Variants in METTL25 observed in about 807,000 individuals in gnomAD.
METTL25 encodes methyltransferase like 25, also known as probable methyltransferase-like protein 25.
METTL25 carries 64 observed loss-of-function variants against 71.6 expected under a neutral mutation model. The observed-to-expected ratio is 0.89, with a 90% CI of 0.73 to 1.10. The LOEUF is 1.10. Ranked by LOEUF, METTL25 falls within the 50% of genes least tolerant of loss-of-function variation. METTL25 has a pLI of 0.00. For missense variants in METTL25, 807 were observed against 707.0 expected (o/e 1.14, Z -1.60); for synonymous variants, 287 against 250.3 (o/e 1.15, Z -1.38).
chr12:82,432,485 A>G (rs1228675055), intron 6 of METTL25, among the ~76,000 whole-genome samples: 2 of 151,704 alleles, frequency 1.3e-5, no homozygotes, highest in Non-Finnish European at 3.0e-5. Context: ...ACTGGGAAGA[A>G]ATGTAGACTA....
At chr12:82,368,518 G>T (rs1882829158) in intron 1 of METTL25, among the ~76,000 whole-genome samples, 1 of 152,112 alleles carries the variant, frequency 6.6e-6, no homozygotes, top group African/African-American at 2.4e-5. Context: ...GAAGTAATCT[G>T]CCTGGCCCCC....
intron 8 of METTL25, among the ~76,000 whole-genome samples, chr12:82,443,002 T>C (rs1227807335): frequency 1.4e-5 from 2 of 147,330 alleles, no homozygotes; most frequent in Admixed American, 1.4e-4. Flanking sequence ...CAATGAGGGA[T>C]CAAAAAACAA....
chr12:82,446,033 G>C (rs534277602), intron 8 of METTL25, among the ~76,000 whole-genome samples: 4 of 152,088 alleles, frequency 2.6e-5, no homozygotes, highest in Admixed American at 6.6e-5. Context: ...TTAAGGGTCA[G>C]CTATACTTAC....
intron 8 of METTL25, chr12:82,439,843 A>G: frequency 1.1e-6 from 1 of 944,176 alleles, no homozygotes; most frequent in African/African-American, 1.9e-5. Context: ...TGCCTTCTTT[A>G]AAGACCTCAG....
intron 5 of METTL25, among the ~76,000 whole-genome samples, chr12:82,430,273 G>A (rs1565859282): frequency 6.6e-6 from 1 of 150,570 alleles, no homozygotes; most frequent in Non-Finnish European, 1.5e-5. Context: ...TATAAGTTGA[G>A]CAGTAGATAT....
chr12:82,412,231 A>G (rs550892499), intron 5 of METTL25, among the ~76,000 whole-genome samples: 3 of 152,274 alleles, frequency 2.0e-5, no homozygotes, highest in East Asian at 3.9e-4. Context: ...CTTAATAGGT[A>G]CTTAATCTTA....
chr12:82,420,237 CA>C (rs1392877249), intron 5 of METTL25, among the ~76,000 whole-genome samples: 2 of 151,812 alleles, frequency 1.3e-5, no homozygotes, highest in African/African-American at 4.8e-5. Context: ...TTTGATTATA[CA>C]AAATAAAATT....
chr12:82,369,907 T>C (rs567823893), intron 1 of METTL25, among the ~76,000 whole-genome samples: 1 of 152,206 alleles, frequency 6.6e-6, no homozygotes, highest in African/African-American at 2.4e-5. Context: ...TGGTGCGTTT[T>C]TACAGAGTGC....
chr12:82,404,661 T>C (rs1376964786), intron 5 of METTL25, among the ~76,000 whole-genome samples: 1 of 152,112 alleles, frequency 6.6e-6, no homozygotes, highest in Non-Finnish European at 1.5e-5. Flanking sequence ...GTAGACACTT[T>C]GTGTGTCATT....
chr12:82,445,201 A>G (rs575248744), intron 8 of METTL25, among the ~76,000 whole-genome samples: 6 of 152,246 alleles, frequency 3.9e-5, no homozygotes, highest in African/African-American at 1.4e-4. Flanking sequence ...AATATCAACA[A>G]ATTAAGAAAA....
chr12:82,377,262 A>T (rs1883973929), intron 1 of METTL25, among the ~76,000 whole-genome samples: 1 of 152,226 alleles, frequency 6.6e-6, no homozygotes, highest in Non-Finnish European at 1.5e-5. Context: ...CTCTGGATCA[A>T]GTGGTTGCAT....
intron 1 of METTL25, among the ~76,000 whole-genome samples, chr12:82,376,476 G>C (rs1260341230): frequency 1.3e-5 from 2 of 152,184 alleles, no homozygotes; most frequent in East Asian, 3.8e-4. Flanking sequence ...GGGAACTGAA[G>C]TAATCTTCTA....
At chr12:82,441,358 C>T (rs1368823334) in intron 8 of METTL25, among the ~76,000 whole-genome samples, 1 of 151,108 alleles carries the variant, frequency 6.6e-6, no homozygotes, top group East Asian at 2.0e-4. Context: ...TGAAACAAGA[C>T]AACATGACCA....
intron 7 of METTL25, 75 bp downstream of exon 7, chr12:82,434,799 C>T: frequency 8.6e-7 from 1 of 1,159,324 alleles, no homozygotes; most frequent in African/African-American, 1.5e-5. Flanking sequence ...TGCTGATGAA[C>T]TTAAAACCTA....
chr12:82,398,435 C>A (rs1256885003), intron 3 of METTL25, among the ~76,000 whole-genome samples: 1 of 151,846 alleles, frequency 6.6e-6, no homozygotes, highest in African/African-American at 2.4e-5. Flanking sequence ...GTTGTTAATT[C>A]TATTGACTTT....
intron 7 of METTL25, among the ~76,000 whole-genome samples, chr12:82,437,544 A>C (rs548185214): frequency 6.6e-6 from 1 of 151,682 alleles, no homozygotes; most frequent in Non-Finnish European, 1.5e-5. Flanking sequence ...TTAATGTTAA[A>C]TAAGGGAGAG....
intron 8 of METTL25, chr12:82,439,024 T>C (rs985757830): frequency 9.9e-6 from 3 of 302,404 alleles, no homozygotes; most frequent in African/African-American, 4.3e-5. Context: ...TAAAATAATC[T>C]ATGTAAAATG....
intron 10 of METTL25, 103 bp from the exon 11 acceptor site, chr12:82,477,178 T>C (rs745754324): frequency 2.8e-4 from 154 of 552,828 alleles, no homozygotes; most frequent in Middle Eastern, 3.8e-4. Flanking sequence ...TCAGCCTATA[T>C]AAACTTCTGT....
chr12:82,431,875 C>T (rs977295516), intron 6 of METTL25, among the ~76,000 whole-genome samples: 9 of 151,700 alleles, frequency 5.9e-5, no homozygotes, highest in African/African-American at 2.2e-4. Context: ...TCATCTAACA[C>T]AAAGCCTGTT....
Sources: allele counts gnomAD v4.1 joint callset (sites outside exome capture counted in the v4.1 genomes callset), GRCh38; gene constraint gnomAD v4.1.1; transcripts MANE v1.5; gene names NCBI Gene and HGNC (gene_info 2026-07-23, HGNC 2026-07-21).